DLEC1: variants seen among roughly 807,000 people sequenced by gnomAD.
The protein encoded by DLEC1 is DLEC1 cilia and flagella associated protein.
Under a neutral mutation model 198.1 loss-of-function variants are expected in DLEC1, and 146 were observed. That is an observed-to-expected ratio of 0.74 (90% CI 0.64 to 0.85). The LOEUF is 0.85. Among genes scored for constraint, DLEC1 ranks in the 40% least tolerant of loss-of-function variants. The pLI, the probability that DLEC1 is intolerant of heterozygous loss-of-function variation, is 0.00. For missense variants in DLEC1, 2,233 were observed against 2,220.0 expected (o/e 1.01, Z -0.12); for synonymous variants, 897 against 866.8 (o/e 1.03, Z -0.61).
chr3:38,069,635 G>C (rs760689700), intron 6 of DLEC1, among the ~76,000 whole-genome samples: 1 of 152,158 alleles, frequency 6.6e-6, no homozygotes, highest in African/African-American at 2.4e-5. Context: ...AGGAAAGCCA[G>C]TCCATGCCAC....
chr3:38,108,352 G>T, intron 20 of DLEC1, 53 bp from the exon 21 acceptor site: 2 of 1,462,842 alleles, frequency 1.4e-6, no homozygotes, highest in Non-Finnish European at 9.5e-7. Flanking sequence ...CTGGATACTG[G>T]TCCATTCTGG....
chr3:38,062,812 C>A lies in DLEC1; in HGVS notation c.1094+11C>A. The A allele has an allele frequency of 6.2e-7, 1 of 1,612,348 alleles. No homozygotes were observed. Among genetic ancestry groups the A allele is most frequent in the Non-Finnish European group, 8.5e-7 (1 of 1,179,464 alleles). On this transcript the variant is annotated intron_variant, in intron 5 of 36. Coordinates refer to ENST00000308059, the MANE Select transcript of DLEC1 (RefSeq NM_007335.4). Reference sequence around the variant, plus strand: ...AGAGCCAGAACAGAGGTATGTCTTTCTCTGGCTTGAACTCTCAGAAAACCT... The same window carrying A: ...AGAGCCAGAACAGAGGTATGTCTTTATCTGGCTTGAACTCTCAGAAAACCT...
intron 12 of DLEC1, 71 bp from the exon 13 acceptor site, chr3:38,094,808 G>A: frequency 3.2e-6 from 5 of 1,555,182 alleles, no homozygotes; most frequent in Non-Finnish European, 4.4e-6. Context: ...GAGCAGGGCA[G>A]GGAGGCATGG....
Position 38,120,603 on chromosome 3 carries a change from C to A in DLEC1, c.4860C>A (p.Thr1620=). 6.2e-7 allele frequency: 1 copy of A among 1,613,172 alleles called. No homozygotes were observed. The highest frequency in any genetic ancestry group is 8.5e-7 in the Non-Finnish European group (1 of 1,179,998). Residue 1620 remains threonine (T), a synonymous_variant, in exon 34 of 37, where the codon ACC becomes ACA. Coordinates refer to ENST00000308059, the MANE Select transcript of DLEC1 (RefSeq NM_007335.4). ...TGCTCCTGGAGTACACCAACCAGAC[C>A]ACTCAGGCACGCCCCAGGCCCACCT... ...QNLLLEYTNQ[T]TQVVPLRAVV...
At chr3:38,072,880 G>A in intron 6 of DLEC1, among the ~76,000 whole-genome samples, 1 of 152,156 alleles carries the variant, frequency 6.6e-6, no homozygotes, top group African/African-American at 2.4e-5. Flanking sequence ...AAATGTTGAA[G>A]GAGCAGAAGT....
intron 6 of DLEC1, among the ~76,000 whole-genome samples, chr3:38,077,999 G>A (rs1199861604): frequency 6.6e-6 from 1 of 152,206 alleles, no homozygotes; most frequent in Non-Finnish European, 1.5e-5. Context: ...CTGGTGTGTG[G>A]CGATTAGGCC....
At chr3:38,091,061 G>T (rs998979050) in intron 10 of DLEC1, among the ~76,000 whole-genome samples, 3 of 152,108 alleles carry the variant, frequency 2.0e-5, no homozygotes, top group Non-Finnish European at 4.4e-5. Context: ...TAATAAAATG[G>T]ATTAAAGATT....
intron 2 of DLEC1, among the ~76,000 whole-genome samples, chr3:38,048,267 C>T (rs563510998): frequency 2.6e-5 from 4 of 152,316 alleles, no homozygotes; most frequent in African/African-American, 9.6e-5. Flanking sequence ...CCTTTTATTC[C>T]CTCCACCACT....
chr3:38,082,139 G>A (rs1189383391), intron 6 of DLEC1, among the ~76,000 whole-genome samples: 7 of 144,874 alleles, frequency 4.8e-5, no homozygotes, highest in African/African-American at 1.3e-4. Context: ...AGGCAGAGGC[G>A]CTCCTCACAT....
In DLEC1 at chr3:38,088,275, G is replaced by C. The variant is rs781329582; in HGVS notation, c.1573-21G>C. 6.8e-6 allele frequency: 11 copies of C among 1,606,732 alleles called. 1 individual carries two copies. The African/African-American group carries it at 1.1e-4, about 16-fold the overall frequency. On this transcript the variant is annotated intron_variant, in intron 9 of 36. Coordinates refer to ENST00000308059, the MANE Select transcript of DLEC1 (RefSeq NM_007335.4). ...TTTTACAATGTCTTCCACACTGTTG[G>C]GTAATCTGCTTTTCTTTAAGGCCAT...
chr3:38,113,997 G>A (rs144046436), intron 25 of DLEC1, among the ~76,000 whole-genome samples: 7 of 151,986 alleles, frequency 4.6e-5, no homozygotes, highest in African/African-American at 1.7e-4. Context: ...GGCTTGCCAG[G>A]TGCAGTGGCT....
Position 38,074,123 on chromosome 3 carries a change from G to A in DLEC1, c.1174-10035G>A, listed in dbSNP as rs534420835. ...AGTGGCCAGATTTCTGGCACTTGAAGCAGGATCCTGATGGAGGAAGTCTTG... is the reference window on the plus strand; with the variant it reads ...AGTGGCCAGATTTCTGGCACTTGAAACAGGATCCTGATGGAGGAAGTCTTG... On this transcript the variant is annotated intron_variant, in intron 6 of 36. Transcript: ENST00000308059. Among the ~76,000 whole-genome samples the A allele has an allele frequency of 2.6e-5, 4 of 152,362 alleles. No homozygotes were observed. In the South Asian group the frequency reaches 8.3e-4, roughly 32 times the overall value.
At chr3:38,059,721 C>T in intron 2 of DLEC1, 21 bp from the exon 3 acceptor site, 2 of 1,600,730 alleles carry the variant, frequency 1.2e-6, no homozygotes, top group South Asian at 1.1e-5. Context: ...ACACCTTGTT[C>T]TCCCCTTCCC....
intron 23 of DLEC1, among the ~76,000 whole-genome samples, chr3:38,110,767 CACAG>C (rs1331060405): frequency 6.7e-6 from 1 of 149,260 alleles, no homozygotes; most frequent in Non-Finnish European, 1.5e-5. Context: ...GTGCTGCTTA[CACAG>C]ACACACACAC....
chr3:38,054,855 T>G (rs1696272785), intron 2 of DLEC1, among the ~76,000 whole-genome samples: 3 of 152,274 alleles, frequency 2.0e-5, no homozygotes, highest in Middle Eastern at 3.4e-3. Context: ...CACGAGTAAG[T>G]CAGCAGAACC....
intron 6 of DLEC1, among the ~76,000 whole-genome samples, chr3:38,076,258 A>C (rs1370226912): frequency 6.6e-6 from 1 of 152,322 alleles, no homozygotes; most frequent in African/African-American, 2.4e-5. Flanking sequence ...TCTTGGGCTC[A>C]TCGGTCTGAG....
intron 11 of DLEC1, 48 bp downstream of exon 11, chr3:38,092,928 G>C: frequency 6.3e-7 from 1 of 1,579,512 alleles, no homozygotes; most frequent in South Asian, 1.1e-5. Context: ...GGCTGCCCCA[G>C]CTCCAGGGGC....
intron 18 of DLEC1, among the ~76,000 whole-genome samples, chr3:38,098,455 G>A (rs1357553750): frequency 2.6e-5 from 4 of 152,174 alleles, no homozygotes; most frequent in African/African-American, 9.7e-5. Context: ...TGCAGTGGGC[G>A]ATCTGGAACA....
intron 10 of DLEC1, among the ~76,000 whole-genome samples, 178 bp downstream of exon 10, chr3:38,088,566 G>A (rs1698584925): frequency 6.6e-6 from 1 of 152,132 alleles, no homozygotes; most frequent in Admixed American, 6.5e-5. Flanking sequence ...TGTCTTATGA[G>A]CATTTTCACA....
Sources: gnomAD v4.1 joint callset for allele counts (sites outside exome capture counted in the v4.1 genomes callset) on GRCh38, gnomAD v4.1.1 for gene constraint, MANE v1.5 for transcripts, NCBI Gene and HGNC (gene_info 2026-07-23, HGNC 2026-07-21) for gene names.